The following ST6GALNAC3 variants were observed in gnomAD, a reference collection of about 807,000 sequenced individuals.
ST6GALNAC3 encodes the protein alpha-N-acetylgalactosaminide alpha-2,6-sialyltransferase 3.
Under a neutral mutation model 32.7 loss-of-function variants are expected in ST6GALNAC3, and 25 were observed. The ratio of observed to expected loss-of-function variants is 0.76; its 90% CI spans 0.56 to 1.07. The LOEUF is 1.07. ST6GALNAC3 is among the 50% of genes least tolerant of loss of function. The pLI is 0.00. For synonymous variants in ST6GALNAC3, 129 were observed against 133.1 expected (o/e 0.97, Z 0.21); for missense variants, 355 against 382.4 (o/e 0.93, Z 0.60).
chr1:76,491,871 T>C (rs1306954023), intron 3 of ST6GALNAC3, among the ~76,000 whole-genome samples: 6 of 152,230 alleles, frequency 3.9e-5, no homozygotes, highest in Non-Finnish European at 8.8e-5. Context: ...CTGAATTGTC[T>C]ACAAGCCATG....
chr1:76,106,778 GA>G (rs1355985953), intron 1 of ST6GALNAC3, among the ~76,000 whole-genome samples: 2 of 152,152 alleles, frequency 1.3e-5, no homozygotes, highest in Admixed American at 6.5e-5. Context: ...AACAATTATT[GA>G]AAACAACTTG....
chr1:76,347,699 A>G lies in ST6GALNAC3; in HGVS notation c.213+33700A>G, dbSNP rs116069319. 3.1e-3 allele frequency among the ~76,000 whole-genome samples: 466 copies of G among 152,242 alleles called. 3 individuals are homozygous for G. Among genetic ancestry groups the G allele is most frequent in the African/African-American group, 0.01 (429 of 41,562 alleles). On this transcript the variant is annotated intron_variant, in intron 2 of 4. Transcript: ENST00000328299. ...ACTAAATATCAGAAAGGTATAACAT[A>G]GTGTTTAAGATCAGTGGCTCTGGAG...
At chr1:76,342,926 G>C (rs748727890) in intron 2 of ST6GALNAC3, among the ~76,000 whole-genome samples, 1 of 149,816 alleles carries the variant, frequency 6.7e-6, no homozygotes, top group African/African-American at 2.5e-5. Context: ...GGTTATTTGT[G>C]GTTTTTTTCT....
intron 1 of ST6GALNAC3, among the ~76,000 whole-genome samples, chr1:76,144,342 T>C (rs758190094): frequency 2.0e-5 from 3 of 152,222 alleles, no homozygotes; most frequent in Non-Finnish European, 4.4e-5. Context: ...CATAAGTTTC[T>C]TTCCAAACTA....
chr1:76,170,662 A>G (rs1652430087), intron 1 of ST6GALNAC3, among the ~76,000 whole-genome samples: 1 of 152,174 alleles, frequency 6.6e-6, no homozygotes, highest in South Asian at 2.1e-4. Flanking sequence ...TGTATCAGAC[A>G]CGCTAGTTTA....
At chr1:76,610,671 C>G (rs1014187016) in intron 3 of ST6GALNAC3, among the ~76,000 whole-genome samples, 1 of 152,108 alleles carries the variant, frequency 6.6e-6, no homozygotes, top group Non-Finnish European at 1.5e-5. Context: ...GAATGTTGGA[C>G]ATTTACAGTC....
intron 1 of ST6GALNAC3, among the ~76,000 whole-genome samples, chr1:76,275,237 T>C (rs773129998): frequency 2.0e-5 from 3 of 152,232 alleles, no homozygotes; most frequent in African/African-American, 7.2e-5. Flanking sequence ...TGTATGAGCA[T>C]GAAACCCTTC....
intron 1 of ST6GALNAC3, among the ~76,000 whole-genome samples, chr1:76,215,937 A>G (rs1655434231): frequency 1.3e-5 from 2 of 152,196 alleles, no homozygotes; most frequent in South Asian, 2.1e-4. Context: ...AGATTTACAA[A>G]GACCTCACAG....
At chr1:76,398,429 G>A (rs943429085) in intron 2 of ST6GALNAC3, among the ~76,000 whole-genome samples, 1 of 151,890 alleles carries the variant, frequency 6.6e-6, no homozygotes, top group African/African-American at 2.4e-5. Context: ...TGATGTTTGG[G>A]GTTTTTGGTT....
chr1:76,574,294 G>A (rs10735745), intron 3 of ST6GALNAC3, among the ~76,000 whole-genome samples: 29,130 of 151,860 alleles, frequency 0.19, 4,136 homozygotes, highest in African/African-American at 0.39. Flanking sequence ...TATAAGCCTT[G>A]TTTCTAGATA....
chr1:76,394,973 T>A (rs1652837362), intron 2 of ST6GALNAC3, among the ~76,000 whole-genome samples: 2 of 150,484 alleles, frequency 1.3e-5, no homozygotes, highest in African/African-American at 4.9e-5. Flanking sequence ...AAAAGGTTTG[T>A]TTACATTTTG....
intron 1 of ST6GALNAC3, among the ~76,000 whole-genome samples, chr1:76,193,445 T>G (rs1443270547): frequency 2.0e-5 from 3 of 152,170 alleles, no homozygotes; most frequent in Admixed American, 2.0e-4. Context: ...TTAGCGTCCT[T>G]GATTTCCTCC....
intron 3 of ST6GALNAC3, among the ~76,000 whole-genome samples, chr1:76,458,188 C>T (rs1571297269): frequency 8.3e-6 from 1 of 120,928 alleles, no homozygotes; most frequent in African/African-American, 3.2e-5. Flanking sequence ...CAATGAGATA[C>T]CATCTCACAC....
chr1:76,560,341 C>T (rs1665174394), intron 3 of ST6GALNAC3, among the ~76,000 whole-genome samples: 1 of 151,986 alleles, frequency 6.6e-6, no homozygotes, highest in African/African-American at 2.4e-5. Flanking sequence ...ATGGGATCAC[C>T]TCAAGTTAAA....
chr1:76,435,907 G>T (rs1312886218), intron 3 of ST6GALNAC3, among the ~76,000 whole-genome samples: 1 of 151,298 alleles, frequency 6.6e-6, no homozygotes, highest in Non-Finnish European at 1.5e-5. Context: ...GGAACAGGTG[G>T]TATTTGGTGA....
intron 3 of ST6GALNAC3, among the ~76,000 whole-genome samples, chr1:76,489,913 G>A (rs999132733): frequency 6.6e-6 from 1 of 152,154 alleles, no homozygotes; most frequent in Non-Finnish European, 1.5e-5. Context: ...CCCCCGACAG[G>A]CCATTTCTGG....
chr1:76,340,050 T>C (rs1647829479), intron 2 of ST6GALNAC3, among the ~76,000 whole-genome samples: 1 of 152,232 alleles, frequency 6.6e-6, no homozygotes, highest in Non-Finnish European at 1.5e-5. Flanking sequence ...GGAACCAGTG[T>C]TGATAATGAT....
chr1:76,336,049 A>G (rs1035176039), intron 2 of ST6GALNAC3, among the ~76,000 whole-genome samples: 4 of 152,170 alleles, frequency 2.6e-5, no homozygotes, highest in Non-Finnish European at 5.9e-5. Context: ...TCTGGAGGGC[A>G]GGGTCATACT....
chr1:76,236,645 G>T, intron 1 of ST6GALNAC3, among the ~76,000 whole-genome samples: 1 of 152,032 alleles, frequency 6.6e-6, no homozygotes, highest in South Asian at 2.1e-4. Flanking sequence ...ATGTACCTGA[G>T]GCTTCACAAC....
Sources: gnomAD v4.1 joint callset for allele counts (sites outside exome capture counted in the v4.1 genomes callset) on GRCh38, gnomAD v4.1.1 for gene constraint, MANE v1.5 for transcripts, NCBI Gene and HGNC (gene_info 2026-07-23, HGNC 2026-07-21) for gene names.